CDC45: variants seen among roughly 807,000 people sequenced by gnomAD.
CDC45 encodes the protein cell division control protein 45 homolog.
Under a neutral mutation model 77.8 loss-of-function variants are expected in CDC45, and 54 were observed. The observed-to-expected ratio is 0.69, with a 90% CI of 0.56 to 0.87. The LOEUF is 0.87. Ranked by LOEUF, CDC45 falls within the 40% of genes least tolerant of loss-of-function variation. The pLI is 0.00. For synonymous variants in CDC45, 260 were observed against 272.1 expected, an observed-to-expected ratio of 0.96 and a Z score of 0.44; for missense variants, 649 against 721.6, an observed-to-expected ratio of 0.90 and a Z score of 1.15.
chr22:19,481,448 G>A (rs1438260412), intron 3 of CDC45, among the ~76,000 whole-genome samples: 1 of 151,762 alleles, frequency 6.6e-6, no homozygotes, highest in Non-Finnish European at 1.5e-5. Flanking sequence ...GCACGATCTC[G>A]GCTCACTGCA....
chr22:19,515,993 G>A, intron 15 of CDC45, among the ~76,000 whole-genome samples: 1 of 152,198 alleles, frequency 6.6e-6, no homozygotes, highest in South Asian at 2.1e-4. Context: ...GGGCTGTAGG[G>A]TGTGGGTGCA....
chr22:19,519,960 A>G (rs1371310426), intron 18 of CDC45, among the ~76,000 whole-genome samples: 2 of 152,166 alleles, frequency 1.3e-5, no homozygotes, highest in Non-Finnish European at 2.9e-5. Flanking sequence ...TCCTCATCCA[A>G]AAATGGGGCC....
At chr22:19,484,867 C>T (rs1256918999) in intron 5 of CDC45, among the ~76,000 whole-genome samples, 1 of 152,134 alleles carries the variant, frequency 6.6e-6, no homozygotes, top group Non-Finnish European at 1.5e-5. Flanking sequence ...ACCTCTTGGA[C>T]CCACTGTTAT....
At chr22:19,482,431 G>A (rs1046661632) in intron 3 of CDC45, among the ~76,000 whole-genome samples, 10 of 152,368 alleles carry the variant, frequency 6.6e-5, no homozygotes, top group African/African-American at 2.2e-4. Context: ...AGTTTCTTGA[G>A]CCTGTCCACG....
chr22:19,499,200 A>C (rs1186291754), intron 9 of CDC45, 49 bp downstream of exon 9: 2 of 1,593,638 alleles, frequency 1.3e-6, no homozygotes, highest in Non-Finnish European at 1.7e-6. Flanking sequence ...TGCTGTGGCC[A>C]GGTGCACAGC....
chr22:19,507,508 C>T lies in CDC45; in HGVS notation c.947C>T (p.Ala316Val), dbSNP rs1933262787. The change falls in exon 11 of 19, where the codon GCA becomes GTA. Residue 316 changes from alanine to valine, a missense_variant. Transcript: ENST00000263201. ...CAGAAGCGGCTCCAGGAGTTCCTTG[C>T]AGACATGGGGTGAGTGACTGCCTGG... ...HGQKRLQEFL[A>V]DMGLPLKQVK... is the part of the protein sequence containing the mutation. 2.5e-6 allele frequency: 4 copies of T among 1,614,122 alleles called. 1 individual carries two copies. Among genetic ancestry groups the T allele is most frequent in the Non-Finnish European group, 3.4e-6 (4 of 1,180,030 alleles).
Position 19,508,519 on chromosome 22 carries a change from T to C in CDC45, c.1056-11T>C. 6.2e-7 allele frequency: 1 copy of C among 1,614,158 alleles called. No homozygotes were observed. The highest frequency in any genetic ancestry group is 2.2e-5 in the East Asian group (1 of 44,886). On this transcript the variant is annotated splice_polypyrimidine_tract_variant and intron_variant, in intron 12 of 18. Coordinates refer to ENST00000263201, the MANE Select transcript of CDC45 (RefSeq NM_003504.5). ...ATTTGAGGGTGACAGCTGTGTTTGC[T>C]CCCATGACAGGATGAAGGACATGCG... is the stretch of plus-strand genomic sequence containing the variant.
chr22:19,520,400 A>C lies in CDC45; in HGVS notation c.*2-81A>C, dbSNP rs1174475502. ...CTGGCTACTCAGCAGCACTACCCAG[A>C]GGGGACGCCTGGGCAGTTTCTTCAA... On this transcript the variant is annotated intron_variant, in intron 18 of 18. Transcript: ENST00000263201. The surrounding 1 kb of genome is among the most constrained non-coding windows in gnomAD (Gnocchi z 4.5). 6.6e-6 allele frequency: 1 copy of C among 152,208 alleles called. No homozygotes were observed. Among genetic ancestry groups the C allele is most frequent in the Non-Finnish European group, 1.5e-5 (1 of 68,048 alleles). 9.4% of individuals were successfully genotyped at this position (152,208 alleles called of 1,614,324 possible). A position where few individuals can be genotyped will look rare whatever the true frequency, so the allele number is the denominator to read the frequency against.
chr22:19,486,422 G>C (rs1399477336), intron 5 of CDC45, among the ~76,000 whole-genome samples: 1 of 152,006 alleles, frequency 6.6e-6, no homozygotes, highest in Non-Finnish European at 1.5e-5. Flanking sequence ...CCTCTTTACT[G>C]TCTTAACCTA....
chr22:19,488,765 C>T (rs1407095192), intron 5 of CDC45, among the ~76,000 whole-genome samples: 1 of 152,122 alleles, frequency 6.6e-6, no homozygotes, highest in Non-Finnish European at 1.5e-5. Flanking sequence ...CCATTACCCG[C>T]AAAAAGTTTC....
chr22:19,516,552 T>C lies in CDC45; in HGVS notation c.1466T>C (p.Leu489Pro). ...CSTKNRRCKLLPLVMAAPLSM... is the reference protein window; with the variant it reads ...CSTKNRRCKLPPLVMAAPLSM... ...ACAAAGAACCGGCGCTGCAAACTGC[T>C]GCCCCTGGTGATGGCTGCCCCCCTG... The change falls in exon 16 of 19, where the codon CTG becomes CCG. Residue 489 changes from leucine to proline, a missense_variant. Transcript: ENST00000263201. The C allele has an allele frequency of 1.2e-6, 2 of 1,613,946 alleles. No individual in the cohort carries two copies. Among genetic ancestry groups the C allele is most frequent in the Non-Finnish European group, 1.7e-6 (2 of 1,179,912 alleles).
intron 6 of CDC45, among the ~76,000 whole-genome samples, chr22:19,494,836 CCT>C (rs1220307294): frequency 1.3e-5 from 2 of 152,170 alleles, no homozygotes; most frequent in East Asian, 1.9e-4. Context: ...TGATGTTCCC[CCT>C]GTTTCAGCTG....
chr22:19,519,374 A>G (rs1444726745), intron 18 of CDC45, among the ~76,000 whole-genome samples: 1 of 152,236 alleles, frequency 6.6e-6, no homozygotes, highest in Non-Finnish European at 1.5e-5. Flanking sequence ...TGGGAATTCC[A>G]AAGCGCTGGT....
At position 19,504,071 on chromosome 22, in the gene CDC45, C is replaced by T. The variant is rs531644985; in HGVS notation, c.705-1291C>T. Reference sequence around the variant, plus strand: ...ACTGAACAGCGAAGGCGCACCAAGCCGCAGGCAAGCAAATGCCCACAAGGG... The same window carrying T: ...ACTGAACAGCGAAGGCGCACCAAGCTGCAGGCAAGCAAATGCCCACAAGGG... On this transcript the variant is annotated intron_variant, in intron 9 of 18. Transcript: ENST00000263201. Among the ~76,000 whole-genome samples, 168 of 152,314 alleles carry T rather than the reference C, an allele frequency of 1.1e-3. 1 individual carries two copies. The highest frequency in any genetic ancestry group is 3.9e-3 in the African/African-American group (161 of 41,562).
At chr22:19,503,441 C>G (rs1932979099) in intron 9 of CDC45, among the ~76,000 whole-genome samples, 1 of 152,196 alleles carries the variant, frequency 6.6e-6, no homozygotes, top group South Asian at 2.1e-4. Context: ...CCTGTCAGCC[C>G]CCAGCACCTT....
intron 13 of CDC45, among the ~76,000 whole-genome samples, chr22:19,510,842 T>C (rs972138723): frequency 5.3e-5 from 8 of 152,220 alleles, no homozygotes; most frequent in Non-Finnish European, 8.8e-5. Context: ...CTTTTTATTA[T>C]AAATAATATT....
At chr22:19,492,069 G>A (rs1601938884) in intron 5 of CDC45, among the ~76,000 whole-genome samples, 1 of 152,148 alleles carries the variant, frequency 6.6e-6, no homozygotes, top group Admixed American at 6.5e-5. Flanking sequence ...GCCTCCCAAA[G>A]TGTTGGGATT....
chr22:19,479,859 G>A (rs535155496), upstream of CDC45: 28 of 1,066,570 alleles, frequency 2.6e-5, no homozygotes, highest in African/African-American at 3.9e-4. Context: ...AGAAGCTATT[G>A]GTTGGTGATC....
intron 6 of CDC45, among the ~76,000 whole-genome samples, 180 bp from the exon 7 acceptor site, chr22:19,495,801 G>A (rs969498124): frequency 6.6e-6 from 1 of 152,166 alleles, no homozygotes; most frequent in African/African-American, 2.4e-5. Flanking sequence ...CAGCCTGGGA[G>A]ACATAGCAAG....
Sources: gnomAD v4.1 joint callset for allele counts (sites outside exome capture counted in the v4.1 genomes callset) on GRCh38, gnomAD v4.1.1 for gene constraint, Gnocchi (gnomAD v3.1) non-coding constraint, MANE v1.5 for transcripts, NCBI Gene and HGNC (gene_info 2026-07-23, HGNC 2026-07-21) for gene names.